Variants in GRID2 observed in about 807,000 individuals in gnomAD.
The protein encoded by GRID2 is glutamate receptor ionotropic, delta-2.
GRID2 carries 33 observed loss-of-function variants against 114.8 expected under a neutral mutation model. That is an observed-to-expected ratio of 0.29 (90% CI 0.22 to 0.38). The LOEUF is 0.38. Among genes scored for constraint, GRID2 ranks in the 10% least tolerant of loss-of-function variants. The pLI, the probability that GRID2 is intolerant of heterozygous loss-of-function variation, is 1.00. For missense variants in GRID2, 1,184 were observed against 1,257.7 expected, an observed-to-expected ratio of 0.94 and a Z score of 0.89; for synonymous variants, 505 against 449.9, an observed-to-expected ratio of 1.12 and a Z score of -1.55.
intron 2 of GRID2, among the ~76,000 whole-genome samples, chr4:92,947,882 C>G (rs1389994385): frequency 6.6e-6 from 1 of 151,584 alleles, no homozygotes; most frequent in Admixed American, 6.6e-5. Flanking sequence ...AAAATGAATC[C>G]TATGTTGTTT....
chr4:92,444,388 G>GTAATTTTC (rs1733324066), intron 1 of GRID2, among the ~76,000 whole-genome samples: 1 of 148,404 alleles, frequency 6.7e-6, no homozygotes, highest in Non-Finnish European at 1.5e-5. Context: ...TTTGTTCTCT[G>GTAATTTTC]GCGGGCAGGA....
intron 1 of GRID2, among the ~76,000 whole-genome samples, chr4:93,797,371 C>T (rs1030312034): frequency 8.5e-5 from 13 of 152,074 alleles, no homozygotes; most frequent in Non-Finnish European, 1.5e-4. Context: ...AGAGAACCTG[C>T]GATGTGCTTG....
At chr4:92,563,385 T>TATA (rs1293028881) in intron 1 of GRID2, among the ~76,000 whole-genome samples, 1 of 152,110 alleles carries the variant, frequency 6.6e-6, no homozygotes, top group Admixed American at 6.6e-5. Flanking sequence ...GTGCATAATA[T>TATA]ATAAACTAAA....
At chr4:93,062,562 A>G (rs1727901965) in intron 2 of GRID2, among the ~76,000 whole-genome samples, 1 of 152,076 alleles carries the variant, frequency 6.6e-6, no homozygotes, top group African/African-American at 2.4e-5. Flanking sequence ...AGAAAATATC[A>G]AACATTTTCT....
At chr4:92,516,159 T>A (rs984866226) in intron 1 of GRID2, among the ~76,000 whole-genome samples, 2 of 151,932 alleles carry the variant, frequency 1.3e-5, no homozygotes, top group Non-Finnish European at 2.9e-5. Context: ...CTGCAGAGAA[T>A]CAACTCAACT....
chr4:92,530,325 A>G (rs1399917112), intron 1 of GRID2, among the ~76,000 whole-genome samples: 2 of 152,018 alleles, frequency 1.3e-5, no homozygotes, highest in African/African-American at 4.8e-5. Context: ...TCTCAGCATT[A>G]CTAAAAGTAA....
At chr4:92,783,337 T>C (rs1345507277) in intron 2 of GRID2, among the ~76,000 whole-genome samples, 1 of 151,956 alleles carries the variant, frequency 6.6e-6, no homozygotes, top group East Asian at 1.9e-4. Context: ...GAAGTGTAGA[T>C]TTGTCAAAGT....
chr4:92,455,395 C>A (rs1257603355), intron 1 of GRID2, among the ~76,000 whole-genome samples: 1 of 152,034 alleles, frequency 6.6e-6, no homozygotes, highest in African/African-American at 2.4e-5. Flanking sequence ...AACGACCCAC[C>A]AGAGTATCAA....
intron 8 of GRID2, among the ~76,000 whole-genome samples, chr4:93,274,299 G>C (rs985686280): frequency 5.3e-5 from 8 of 151,936 alleles, no homozygotes; most frequent in African/African-American, 1.9e-4. Flanking sequence ...TAACACCTTC[G>C]GTTACACCAA....
chr4:92,973,982 A>C (rs1320402490), intron 2 of GRID2, among the ~76,000 whole-genome samples: 25 of 152,158 alleles, frequency 1.6e-4, no homozygotes, highest in Admixed American at 1.6e-3. Flanking sequence ...AACTTAAACA[A>C]ATTTACCAGA....
At chr4:93,184,538 G>A (rs532035385) in intron 4 of GRID2, among the ~76,000 whole-genome samples, 2 of 148,942 alleles carry the variant, frequency 1.3e-5, no homozygotes, top group Admixed American at 1.3e-4. Context: ...AAACTCACAG[G>A]TACTCTTTCA....
At chr4:92,722,260 G>T (rs77195135) in intron 2 of GRID2, among the ~76,000 whole-genome samples, 2,708 of 152,244 alleles carry the variant, frequency 0.018, 39 homozygotes, top group Non-Finnish European at 0.028. Flanking sequence ...ATCATGGAGT[G>T]CATGCTACAA....
At chr4:92,672,866 G>A (rs1302645622) in intron 2 of GRID2, among the ~76,000 whole-genome samples, 16 of 152,010 alleles carry the variant, frequency 1.1e-4, no homozygotes, top group African/African-American at 2.4e-5. Flanking sequence ...AATGTACAAT[G>A]AAATAATATT....
intron 5 of GRID2, among the ~76,000 whole-genome samples, chr4:93,211,516 C>G (rs1743473707): frequency 6.6e-6 from 1 of 152,068 alleles, no homozygotes; most frequent in Admixed American, 6.6e-5. Context: ...TGGTAAATAA[C>G]TCAATACATG....
chr4:93,749,522 G>A (rs1732131089), intron 14 of GRID2, among the ~76,000 whole-genome samples: 1 of 152,302 alleles, frequency 6.6e-6, no homozygotes, highest in South Asian at 2.1e-4. Flanking sequence ...GAGGGAGAAA[G>A]TGGCATTGAG....
At chr4:92,835,178 C>T (rs1742369340) in intron 2 of GRID2, among the ~76,000 whole-genome samples, 1 of 116,464 alleles carries the variant, frequency 8.6e-6, no homozygotes, top group African/African-American at 3.7e-5. Context: ...ATACAACAAG[C>T]AGCTGAAAGA....
chr4:93,461,966 T>C (rs1016426740), intron 11 of GRID2, among the ~76,000 whole-genome samples: 1 of 152,196 alleles, frequency 6.6e-6, no homozygotes, highest in Non-Finnish European at 1.5e-5. Context: ...TTGTATGTAA[T>C]TTGCTTTCTG....
intron 8 of GRID2, among the ~76,000 whole-genome samples, chr4:93,281,456 A>G (rs1191465427): frequency 6.6e-6 from 1 of 151,990 alleles, no homozygotes; most frequent in African/African-American, 2.4e-5. Context: ...GTCGACTTTA[A>G]GCGACATGTT....
intron 1 of GRID2, among the ~76,000 whole-genome samples, chr4:92,511,555 A>G (rs80031429): frequency 0.014 from 2,185 of 152,038 alleles, 61 homozygotes; most frequent in African/African-American, 0.05. Context: ...CCTGGAATAT[A>G]TAGTCACCAA....
Sources: allele counts gnomAD v4.1 joint callset (sites outside exome capture counted in the v4.1 genomes callset), GRCh38; gene constraint gnomAD v4.1.1; transcripts MANE v1.5; gene names NCBI Gene and HGNC (gene_info 2026-07-23, HGNC 2026-07-21).